The following EFNA1 variants were observed in gnomAD, a reference collection of about 807,000 sequenced individuals.
EFNA1 encodes ephrin-A1.
Under a neutral mutation model 23.2 loss-of-function variants are expected in EFNA1, and 8 were observed. The observed-to-expected ratio is 0.34, with a 90% CI of 0.20 to 0.62. The LOEUF is 0.62. EFNA1 is among the 20% of genes least tolerant of loss of function. EFNA1 has a pLI of 0.75. For synonymous variants in EFNA1, 89 were observed against 98.6 expected (o/e 0.90, Z 0.58); for missense variants, 217 against 260.0 (o/e 0.83, Z 1.14).
At position 155,133,766 on chromosome 1, in the gene EFNA1, A is replaced by C. The variant is rs773535406; in HGVS notation, c.491A>C (p.Lys164Thr). 6.2e-7 allele frequency: 1 copy of C among 1,614,130 alleles called. No individual in the cohort carries two copies. The highest frequency in any genetic ancestry group is 1.1e-5 in the South Asian group (1 of 91,074). Residue 164 changes from lysine to threonine, a missense_variant, in exon 4 of 5, where the codon AAG becomes ACG. By Grantham distance (78) the Lys-to-Thr change is moderately conservative (BLOSUM62 -1). Transcript: ENST00000368407. ...SPQAHDNPQEKRLAADDPEVR... is the reference protein window; with the variant it reads ...SPQAHDNPQETRLAADDPEVR... Reference sequence around the variant, plus strand: ...CAGGCCCATGACAATCCACAGGAGAAGAGACTTGCAGCAGGTGGGTAGCTG... The same window carrying C: ...CAGGCCCATGACAATCCACAGGAGACGAGACTTGCAGCAGGTGGGTAGCTG...
rs1664327809 is a variant in EFNA1, at chr1:155,134,401, G to C, written c.*334G>C. 2.9e-6 allele frequency: 1 copy of C among 348,668 alleles called. No homozygotes were observed. Among genetic ancestry groups the C allele is most frequent in the African/African-American group, 2.1e-5 (1 of 47,734 alleles). 21.6% of individuals were successfully genotyped at this position (348,668 alleles called of 1,614,324 possible). ...GCACAGTGGGAGCTGAGCTGGAAGG[G>C]GCCACGTGGATGGGCAAAGCTTGTC... On this transcript the variant is annotated 3_prime_UTR_variant, in exon 5 of 5. Coordinates refer to ENST00000368407, the MANE Select transcript of EFNA1 (RefSeq NM_004428.3).
rs1664315990 is a variant in EFNA1, at chr1:155,134,125, C to T, written c.*58C>T. The T allele has an allele frequency of 1.4e-5, 21 of 1,544,468 alleles. No individual in the cohort carries two copies. The highest frequency in any genetic ancestry group is 1.4e-5 in the African/African-American group (1 of 73,224). On this transcript the variant is annotated 3_prime_UTR_variant, in exon 5 of 5. Coordinates refer to ENST00000368407, the MANE Select transcript of EFNA1 (RefSeq NM_004428.3). The stretch of plus-strand genomic sequence containing the variant: ...CAGGCTGAAGAGAGGGACAGGCACT[C>T]CAAACCTGTCTTGGGGCCACTTTCA...
At chr1:155,133,391 A>C in intron 2 of EFNA1, 112 bp from the exon 3 acceptor site, 2 of 1,199,770 alleles carry the variant, frequency 1.7e-6, no homozygotes, top group South Asian at 1.3e-5. Flanking sequence ...GTTAGAGGGA[A>C]GAGAAGAATG....
intron 2 of EFNA1, among the ~76,000 whole-genome samples, chr1:155,132,639 C>A (rs913847505): frequency 1.3e-5 from 2 of 150,782 alleles, no homozygotes; most frequent in African/African-American, 4.9e-5. Flanking sequence ...ACCAGCCTGG[C>A]CAACATGGTG....
chr1:155,129,104 G>A (rs949088330), intron 1 of EFNA1, among the ~76,000 whole-genome samples: 1 of 152,166 alleles, frequency 6.6e-6, no homozygotes, highest in African/African-American at 2.4e-5. Context: ...TAGGGTGGGG[G>A]AGAGAACAGC....
At position 155,131,318 on chromosome 1, in the gene EFNA1, TC is replaced by T. The variant is rs759199364; in HGVS notation, c.93-16del. On this transcript the variant is annotated intron_variant, in intron 1 of 4. Transcript: ENST00000368407. ...GGCTTCTGAATGACCACCTGCTTCT[TC>T]CCCCTGTGTGTGTCCCCAGGTTCCG... 2.7e-5 allele frequency: 43 copies of T among 1,591,182 alleles called. No homozygotes were observed. Among genetic ancestry groups the T allele is most frequent in the Non-Finnish European group, 3.4e-5 (40 of 1,163,082 alleles).
chr1:155,130,495 G>A (rs1322981423), intron 1 of EFNA1: 2 of 982,558 alleles, frequency 2.0e-6, no homozygotes, highest in Non-Finnish European at 2.4e-6. Context: ...GGGGAGAGGA[G>A]GAGAGAGGGG....
At chr1:155,133,178 G>A (rs1557786634) in intron 2 of EFNA1, among the ~76,000 whole-genome samples, 1 of 152,120 alleles carries the variant, frequency 6.6e-6, no homozygotes, top group East Asian at 1.9e-4. Context: ...CAAAGTGCTG[G>A]GATTACATGT....
At chr1:155,133,450 C>A in intron 2 of EFNA1, 53 bp from the exon 3 acceptor site, 2 of 1,603,658 alleles carry the variant, frequency 1.2e-6, no homozygotes, top group East Asian at 2.2e-5. Context: ...TTTGGACTTA[C>A]ATTTTCTTCC....
chr1:155,127,972 C>T lies in EFNA1; in HGVS notation c.-6C>T, dbSNP rs1484410055. On this transcript the variant is annotated 5_prime_UTR_variant, in exon 1 of 5. Transcript: ENST00000368407. The surrounding 1 kb of genome is among the most constrained non-coding windows in gnomAD (Gnocchi z 4.4). ...GTCCCCGCTCGGCCTGGCCAGGCCC[C>T]GCGCTATGGAGTTCCTCTGGGCCCC... 3.1e-6 allele frequency: 5 copies of T among 1,612,034 alleles called. No individual in the cohort carries two copies. The highest frequency in any genetic ancestry group is 1.7e-5 in the Admixed American group (1 of 60,006).
chr1:155,134,038 C>T lies in EFNA1; in HGVS notation c.589C>T (p.Leu197Phe). 6.2e-7 allele frequency: 1 copy of T among 1,614,142 alleles called. No individual in the cohort carries two copies. The highest frequency in any genetic ancestry group is 8.5e-7 in the Non-Finnish European group (1 of 1,180,020). Residue 197 changes from leucine (L) to phenylalanine (F), a missense_variant, in exon 5 of 5, where the codon CTT (leucine) becomes TTT (phenylalanine). Physicochemically the swap from Leu to Phe is conservative, Grantham distance 22. Coordinates refer to ENST00000368407, the MANE Select transcript of EFNA1 (RefSeq NM_004428.3). ...CCCACTTGCCTGGACTGTGCTGCTCCTTCCACTTCTGCTGCTGCAAACCCC... is the reference window on the plus strand; with the variant it reads ...CCCACTTGCCTGGACTGTGCTGCTCTTTCCACTTCTGCTGCTGCAAACCCC... ...LFPLAWTVLLLPLLLLQTP is the reference protein window; with the variant it reads ...LFPLAWTVLLFPLLLLQTP
At chr1:155,130,844 G>C (rs532675320) in intron 1 of EFNA1, 2 of 985,344 alleles carry the variant, frequency 2.0e-6, no homozygotes, top group South Asian at 4.7e-5. Flanking sequence ...GGAAAGTGAA[G>C]ACACAGATGT....
chr1:155,131,256 G>A (rs1664233836), intron 1 of EFNA1, 83 bp from the exon 2 acceptor site: 1 of 1,498,206 alleles, frequency 6.7e-7, no homozygotes, highest in Admixed American at 1.9e-5. Flanking sequence ...AAATGTGAGA[G>A]GTCATGTAAA....
At chr1:155,130,762 A>C in intron 1 of EFNA1, 1 of 985,382 alleles carries the variant, frequency 1.0e-6, no homozygotes, top group Non-Finnish European at 1.2e-6. Flanking sequence ...TACTAGCTTC[A>C]CTTTTGAGGA....
Position 155,131,564 on chromosome 1 carries a change from G to A in EFNA1, c.318G>A (p.Glu106=). 6.2e-7 allele frequency: 1 copy of A among 1,614,062 alleles called. No homozygotes were observed. The highest frequency in any genetic ancestry group is 8.5e-7 in the Non-Finnish European group (1 of 1,180,024). The change falls in exon 2 of 5, where the codon GAG becomes GAA. Residue 106 remains glutamate, a synonymous_variant. Coordinates refer to ENST00000368407, the MANE Select transcript of EFNA1 (RefSeq NM_004428.3). ...SAKHGPEKLS[E]KFQRFTPFTL... is the part of the protein sequence containing the mutation. Reference sequence around the variant, plus strand: ...AGCATGGCCCGGAGAAGCTGTCTGAGAAGTTCCAGCGCTTCACACCTTTCA... The same window carrying A: ...AGCATGGCCCGGAGAAGCTGTCTGAAAAGTTCCAGCGCTTCACACCTTTCA...
chr1:155,128,173 C>T, intron 1 of EFNA1, 104 bp downstream of exon 1: 1 of 1,016,818 alleles, frequency 9.8e-7, no homozygotes, highest in African/African-American at 1.6e-5. Context: ...AGTAGATGAC[C>T]GAGGTAGGAG....
intron 1 of EFNA1, chr1:155,129,949 G>C (rs563849237): frequency 1.3e-5 from 2 of 152,522 alleles, no homozygotes; most frequent in Non-Finnish European, 2.9e-5. Context: ...GTCAGTGCCC[G>C]TCACGGGAAT....
chr1:155,128,287 C>T (rs1467450197), intron 1 of EFNA1, among the ~76,000 whole-genome samples: 1 of 152,112 alleles, frequency 6.6e-6, no homozygotes, highest in Non-Finnish European at 1.5e-5. Context: ...CTGCCCTTCC[C>T]TTCCTTCTCT....
chr1:155,130,583 T>C (rs902796973), intron 1 of EFNA1: 4 of 985,084 alleles, frequency 4.1e-6, no homozygotes, highest in Non-Finnish European at 4.8e-6. Flanking sequence ...GGTGGAAGTG[T>C]GGCTTTTAGA....
Sources: gnomAD v4.1 joint callset for allele counts (sites outside exome capture counted in the v4.1 genomes callset) on GRCh38, gnomAD v4.1.1 for gene constraint, Gnocchi (gnomAD v3.1) non-coding constraint, MANE v1.5 for transcripts, NCBI Gene and HGNC (gene_info 2026-07-23, HGNC 2026-07-21) for gene names.